ANGEL2: variants seen among roughly 807,000 people sequenced by gnomAD.
ANGEL2 encodes the protein RNA 2',3'-cyclic phosphatase ANGEL2.
ANGEL2 carries 41 observed loss-of-function variants against 66.0 expected under a neutral mutation model. That is an observed-to-expected ratio of 0.62 (90% CI 0.48 to 0.81). The LOEUF is 0.81. Ranked by LOEUF, ANGEL2 falls within the 30% of genes least tolerant of loss-of-function variation. The pLI is 0.00. For synonymous variants in ANGEL2, 208 were observed against 226.5 expected (o/e 0.92, Z 0.73); for missense variants, 561 against 641.6 (o/e 0.87, Z 1.36).
chr1:213,007,254 T>C, intron 3 of ANGEL2, 56 bp from the exon 4 acceptor site: 1 of 1,320,932 alleles, frequency 7.6e-7, no homozygotes, highest in Non-Finnish European at 1.0e-6. Context: ...ATGAATTTCC[T>C]GGTGCTTTTA....
At chr1:213,002,658 C>T (rs1001313240) in intron 5 of ANGEL2, among the ~76,000 whole-genome samples, 1 of 152,154 alleles carries the variant, frequency 6.6e-6, no homozygotes, top group Non-Finnish European at 1.5e-5. Flanking sequence ...TGGCTCATGC[C>T]TGTAATCCCA....
intron 4 of ANGEL2, 139 bp from the exon 5 acceptor site, chr1:213,005,593 G>A (rs2076302835): frequency 1.0e-6 from 1 of 977,146 alleles, no homozygotes; most frequent in African/African-American, 1.6e-5. Flanking sequence ...AATAAACATT[G>A]GAATAAAAAA....
rs2076240816 is a variant in ANGEL2 at position 213,003,726 on chromosome 1, A to G, written c.1134+1307T>C. ...GCTTGAGTAATGCAAGAGTTACCAA[A>G]AGGTGACAGAGACAGGAATTGAGCA... On this transcript the variant is annotated intron_variant, in intron 5 of 8. Coordinates refer to ENST00000366962, the MANE Select transcript of ANGEL2 (RefSeq NM_144567.5). Among the ~76,000 whole-genome samples the G allele has an allele frequency of 2.0e-5, 3 of 152,210 alleles. No homozygotes were observed. The South Asian group carries it at 6.2e-4, about 32-fold the overall frequency.
In ANGEL2 at chr1:213,005,252, G is replaced by A. The variant is rs779665981; in HGVS notation, c.915C>T (p.Cys305=). The change falls in exon 5 of 9, where the codon TGC becomes TGT. Residue 305 remains cysteine, a synonymous_variant. Transcript: ENST00000366962. ...TATACAACAGATGCGTATTTGCTACGCAGATTGCAGGGCAGGCAGCATATG... is the reference window on the plus strand; with the variant it reads ...TATACAACAGATGCGTATTTGCTACACAGATTGCAGGGCAGGCAGCATATG... ...KIPYAACPAI[C]VANTHLLYNP... 8.7e-6 allele frequency: 14 copies of A among 1,614,088 alleles called. No individual in the cohort carries two copies. Among genetic ancestry groups the A allele is most frequent in the East Asian group, 4.5e-5 (2 of 44,896 alleles).
chr1:213,005,283 TTGGGC>T lies in ANGEL2; in HGVS notation c.879_883del (p.Pro294AsnfsTer19). The T allele has an allele frequency of 6.2e-7, 1 of 1,614,238 alleles. No homozygotes were observed. Among genetic ancestry groups the T allele is most frequent in the Non-Finnish European group, 8.5e-7 (1 of 1,180,038 alleles). ...TGCAGGGCAGGCAGCATATGGAATT[TTGGGC>T]TGTAAGAGTAAAACTAATCCAACAT... On this transcript the variant is annotated frameshift_variant, in exon 5 of 9. Transcript: ENST00000366962. LOFTEE classifies it high-confidence loss of function.
chr1:213,005,941 C>A (rs548176648), intron 4 of ANGEL2, among the ~76,000 whole-genome samples: 1 of 152,162 alleles, frequency 6.6e-6, no homozygotes, highest in Non-Finnish European at 1.5e-5. Context: ...AATGTCACCT[C>A]GTCTGATCAT....
Position 213,015,826 on chromosome 1 carries a change from G to C in ANGEL2, c.-155C>G, listed in dbSNP as rs1181828751. The C allele has an allele frequency of 8.4e-6, 8 of 947,110 alleles. No individual in the cohort carries two copies. The highest frequency in any genetic ancestry group is 6.3e-6 in the Non-Finnish European group (4 of 630,660). 58.7% of individuals were successfully genotyped at this position (947,110 alleles called of 1,614,324 possible). On this transcript the variant is annotated 5_prime_UTR_variant, in exon 1 of 9. Coordinates refer to ENST00000366962, the MANE Select transcript of ANGEL2 (RefSeq NM_144567.5). ...GCATGCTGGGAGGTGCAGTCTCGCC[G>C]GCCGGCCTACACTCCATCTTGCGCA...
intron 1 of ANGEL2, chr1:213,015,219 G>C (rs1047484896): frequency 9.5e-7 from 1 of 1,058,044 alleles, no homozygotes; most frequent in Non-Finnish European, 1.1e-6. Flanking sequence ...GGCCCGCCGA[G>C]ACCTACTGCG....
chr1:213,006,557 GTTTA>G (rs1433675980), intron 4 of ANGEL2: 1 of 151,912 alleles, frequency 6.6e-6, no homozygotes, highest in African/African-American at 2.4e-5. Flanking sequence ...TTCTAGGAGT[GTTTA>G]TTTATCAAAC....
chr1:212,993,428 T>C lies in ANGEL2; in HGVS notation c.*1613A>G, dbSNP rs936710458. 1 of 152,250 alleles carries C rather than the reference T, an allele frequency of 6.6e-6. No individual in the cohort carries two copies. Among genetic ancestry groups the C allele is most frequent in the Non-Finnish European group, 1.5e-5 (1 of 68,038 alleles). The allele number at this position is 152,250 out of a possible 1,614,324, so 9.4% of individuals were successfully genotyped here. A position where few individuals can be genotyped will look rare whatever the true frequency, so the allele number is the denominator to read the frequency against. On this transcript the variant is annotated 3_prime_UTR_variant, in exon 9 of 9. Transcript: ENST00000366962. Reference sequence around the variant, plus strand: ...GCCTTCTCTGAGGTTTTCATCTGTTTGTTTTTTTAAAAATAATTATAGCAA... The same window carrying C: ...GCCTTCTCTGAGGTTTTCATCTGTTCGTTTTTTTAAAAATAATTATAGCAA...
intron 2 of ANGEL2, chr1:213,011,394 T>G: frequency 8.7e-7 from 1 of 1,146,548 alleles, no homozygotes; most frequent in Non-Finnish European, 1.1e-6. Flanking sequence ...GATTGAAAAG[T>G]ATTAGTGAAA....
intron 4 of ANGEL2, 60 bp downstream of exon 4, chr1:213,007,069 G>T: frequency 6.8e-7 from 1 of 1,479,602 alleles, no homozygotes; most frequent in Non-Finnish European, 9.3e-7. Context: ...ACTCCAGTTG[G>T]GCGACAGAGT....
chr1:213,006,950 C>A (rs756519196), intron 4 of ANGEL2, 179 bp downstream of exon 4: 4 of 453,154 alleles, frequency 8.8e-6, no homozygotes, highest in Non-Finnish European at 1.5e-5. Context: ...AATAATTGGC[C>A]GGGCATGGTG....
At chr1:212,997,728 T>G (rs1178523467) in intron 7 of ANGEL2, among the ~76,000 whole-genome samples, 5 of 152,220 alleles carry the variant, frequency 3.3e-5, no homozygotes, top group African/African-American at 1.2e-4. Flanking sequence ...CTAATTTTTC[T>G]TGCTATCACA....
intron 6 of ANGEL2, 150 bp from the exon 7 acceptor site, chr1:213,000,533 C>T: frequency 1.3e-6 from 1 of 780,296 alleles, no homozygotes; most frequent in South Asian, 2.2e-5. Flanking sequence ...TTTCGATGGC[C>T]TCCAGAATTA....
chr1:213,000,658 G>A, intron 6 of ANGEL2, 128 bp downstream of exon 6: 1 of 1,075,414 alleles, frequency 9.3e-7, no homozygotes, highest in Non-Finnish European at 1.3e-6. Context: ...GAAAAAAAAT[G>A]AATAACTACA....
Position 213,000,885 on chromosome 1 carries a change from C to T in ANGEL2, c.1162G>A (p.Gly388Arg). Reference protein sequence around the residue: ...KVSGQEQSSRGQRILSIPIWP... With the variant: ...KVSGQEQSSRRQRILSIPIWP... ...ATTGGAATAGATAAAATTCTTTGTCCCCGTGAAGACTGTTCCTGGCCAGAT... is the reference window on the plus strand; with the variant it reads ...ATTGGAATAGATAAAATTCTTTGTCTCCGTGAAGACTGTTCCTGGCCAGAT... Residue 388 changes from glycine (G) to arginine (R), a missense_variant, in exon 6 of 9, where the codon GGA becomes AGA. Gly to Arg is a moderately radical substitution (Grantham distance 125, BLOSUM62 -2). Transcript: ENST00000366962. 2 of 1,611,320 alleles carry T rather than the reference C, an allele frequency of 1.2e-6. No homozygotes were observed. Among genetic ancestry groups the T allele is most frequent in the Non-Finnish European group, 1.7e-6 (2 of 1,179,530 alleles).
chr1:213,015,389 AC>A, intron 1 of ANGEL2: 1 of 1,414,464 alleles, frequency 7.1e-7, no homozygotes, highest in Non-Finnish European at 9.2e-7. Context: ...CCGCGCCAAG[AC>A]CCCAGACCTC....
rs528202428 is a variant in ANGEL2 at position 213,004,151 on chromosome 1, G to A, written c.1134+882C>T. On this transcript the variant is annotated intron_variant, in intron 5 of 8. Coordinates refer to ENST00000366962, the MANE Select transcript of ANGEL2 (RefSeq NM_144567.5). The stretch of plus-strand genomic sequence containing the variant: ...TGGGAGACAGAGGATGCAGTGAGCC[G>A]AGATCCCACCATTGCACTCCAGCCT... Among the ~76,000 whole-genome samples the A allele has an allele frequency of 1.7e-3, 253 of 151,160 alleles. 1 individual carries two copies. Among genetic ancestry groups the A allele is most frequent in the Non-Finnish European group, 2.9e-3 (194 of 67,770 alleles).
Sources: allele counts gnomAD v4.1 joint callset (sites outside exome capture counted in the v4.1 genomes callset), GRCh38; gene constraint gnomAD v4.1.1; transcripts MANE v1.5; gene names NCBI Gene and HGNC (gene_info 2026-07-23, HGNC 2026-07-21).